Variants in RGS12 observed in about 807,000 individuals in gnomAD.
RGS12 encodes the protein regulator of G protein signaling 12.
Under a neutral mutation model 120.1 loss-of-function variants are expected in RGS12, and 66 were observed. The ratio of observed to expected loss-of-function variants is 0.55; its 90% CI spans 0.45 to 0.67. The LOEUF is 0.67. Among genes scored for constraint, RGS12 ranks in the 30% least tolerant of loss-of-function variants. The pLI is 0.00. For missense variants in RGS12, 1,859 were observed against 1,957.7 expected (o/e 0.95, Z 0.95); for synonymous variants, 827 against 804.7 (o/e 1.03, Z -0.47).
chr4:3,428,884 C>T (rs972139065), intron 16 of RGS12, among the ~76,000 whole-genome samples, 173 bp downstream of exon 16: 3 of 152,218 alleles, frequency 2.0e-5, no homozygotes, highest in Non-Finnish European at 2.9e-5. Flanking sequence ...ATCACTCCAC[C>T]GAAACCCCAG....
At chr4:3,402,576 A>G (rs900340334) in intron 4 of RGS12, among the ~76,000 whole-genome samples, 1 of 152,078 alleles carries the variant, frequency 6.6e-6, no homozygotes, top group African/African-American at 2.4e-5. Context: ...GTTTAGGACC[A>G]CTTTTGAGTC....
intron 4 of RGS12, among the ~76,000 whole-genome samples, chr4:3,410,884 T>C (rs1438052654): frequency 6.6e-6 from 1 of 152,216 alleles, no homozygotes. Context: ...GGTGCTCTGA[T>C]GTAGAAAAGG....
intron 4 of RGS12, among the ~76,000 whole-genome samples, chr4:3,392,895 G>A (rs1719652589): frequency 6.6e-6 from 1 of 152,184 alleles, no homozygotes; most frequent in Non-Finnish European, 1.5e-5. Flanking sequence ...GGCTGAGGCA[G>A]GAGAATCTCT....
intron 2 of RGS12, among the ~76,000 whole-genome samples, chr4:3,337,410 T>C (rs1712597853): frequency 6.6e-6 from 1 of 152,244 alleles, no homozygotes; most frequent in Non-Finnish European, 1.5e-5. Flanking sequence ...GGAGATGCTC[T>C]TTATACACAT....
At chr4:3,416,496 A>G (rs1489037117) in intron 7 of RGS12, among the ~76,000 whole-genome samples, 1 of 152,216 alleles carries the variant, frequency 6.6e-6, no homozygotes, top group East Asian at 1.9e-4. Context: ...GCCCCAGGCT[A>G]TTCGAGACGT....
intron 2 of RGS12, among the ~76,000 whole-genome samples, chr4:3,325,773 T>G (rs1048608589): frequency 6.6e-6 from 1 of 152,006 alleles, no homozygotes; most frequent in Non-Finnish European, 1.5e-5. Context: ...GAACATAGAT[T>G]ACAAATCCTC....
At chr4:3,362,937 G>A (rs578033371) in intron 3 of RGS12, among the ~76,000 whole-genome samples, 1 of 145,674 alleles carries the variant, frequency 6.9e-6, no homozygotes, top group South Asian at 2.3e-4. Context: ...GAACGCGAAG[G>A]GGTGTGTGTG....
At chr4:3,432,300 A>G (rs550287651) in intron 17 of RGS12, 1 of 527,744 alleles carries the variant, frequency 1.9e-6, no homozygotes, top group East Asian at 1.5e-4. Flanking sequence ...ACCGTAATCT[A>G]CTGGCTTTTA....
intron 17 of RGS12, among the ~76,000 whole-genome samples, chr4:3,435,006 G>C (rs1274852926): frequency 6.6e-6 from 1 of 152,112 alleles, no homozygotes; most frequent in Non-Finnish European, 1.5e-5. Flanking sequence ...GGAGATGCTA[G>C]GCACCACCCC....
intron 3 of RGS12, among the ~76,000 whole-genome samples, chr4:3,369,208 T>C (rs1716709871): frequency 6.6e-6 from 1 of 152,198 alleles, no homozygotes; most frequent in Non-Finnish European, 1.5e-5. Flanking sequence ...CCCCACACTT[T>C]TGTTACGTGC....
chr4:3,309,069 G>T (rs1394604209), intron 1 of RGS12, among the ~76,000 whole-genome samples: 1 of 126,354 alleles, frequency 7.9e-6, no homozygotes, highest in African/African-American at 3.1e-5. Flanking sequence ...CAGGAGAGGA[G>T]CTGGGACTCG....
chr4:3,290,152 C>T (rs539411862), upstream of RGS12, among the ~76,000 whole-genome samples: 77 of 152,174 alleles, frequency 5.1e-4, no homozygotes, highest in Non-Finnish European at 8.4e-4. Context: ...GATTTCATTT[C>T]CTTTGGATAC....
At chr4:3,436,719 G>A (rs897448322) in intron 17 of RGS12, among the ~76,000 whole-genome samples, 1 of 152,220 alleles carries the variant, frequency 6.6e-6, no homozygotes, top group Non-Finnish European at 1.5e-5. Context: ...GACATTCATG[G>A]ACAAGTGTCT....
chr4:3,370,353 A>ATCAG, intron 3 of RGS12: 1 of 1,607,938 alleles, frequency 6.2e-7, no homozygotes, highest in Non-Finnish European at 8.5e-7. Context: ...TTTTCATTTA[A>ATCAG]TCAGTGGTAG....
chr4:3,383,364 T>C (rs184278073), intron 3 of RGS12, among the ~76,000 whole-genome samples: 1 of 152,120 alleles, frequency 6.6e-6, no homozygotes, highest in Non-Finnish European at 1.5e-5. Context: ...CCTAGCACTT[T>C]GAGAGGTCAA....
intron 3 of RGS12, among the ~76,000 whole-genome samples, chr4:3,344,354 C>T (rs1249896547): frequency 6.6e-6 from 1 of 152,144 alleles, no homozygotes; most frequent in Non-Finnish European, 1.5e-5. Flanking sequence ...CTGATGAAGA[C>T]TCAAAAGGGG....
At position 3,437,082 on chromosome 4, in the gene RGS12, G is replaced by T. The variant is rs571443969; in HGVS notation, c.4115-2373G>T. ...TGCCAGGGAAATGCTGGGCAAGAAGGTGCTCCCCGGGCAGGCCCTGGCATG... is the reference window on the plus strand; with the variant it reads ...TGCCAGGGAAATGCTGGGCAAGAAGTTGCTCCCCGGGCAGGCCCTGGCATG... On this transcript the variant is annotated intron_variant, in intron 17 of 17. Coordinates refer to ENST00000336727, the MANE Select transcript of RGS12 (RefSeq NM_001394154.1). 2.6e-5 allele frequency among the ~76,000 whole-genome samples: 4 copies of T among 152,254 alleles called. No homozygotes were observed. The East Asian group carries it at 7.7e-4, about 29-fold the overall frequency.
chr4:3,380,341 G>A (rs544665288), intron 3 of RGS12, among the ~76,000 whole-genome samples: 9 of 152,350 alleles, frequency 5.9e-5, no homozygotes, highest in East Asian at 1.9e-4. Context: ...GGCATTGAGC[G>A]TCTGCAGCTT....
chr4:3,362,888 TG>T lies in RGS12; in HGVS notation c.1998+19836del, dbSNP rs1435459519. 3.4e-5 allele frequency among the ~76,000 whole-genome samples: 5 copies of T among 148,470 alleles called. No homozygotes were observed. The East Asian group carries it at 1.0e-3, about 30-fold the overall frequency. ...GCGAGGGTGTGTGTGTGTGAGAGCATGTGTGCATCAGTGTGAGTGTGCATGG... is the reference window on the plus strand; with the variant it reads ...GCGAGGGTGTGTGTGTGTGAGAGCATTGTGCATCAGTGTGAGTGTGCATGG... On this transcript the variant is annotated intron_variant, in intron 3 of 17. Coordinates refer to ENST00000336727, the MANE Select transcript of RGS12 (RefSeq NM_001394154.1).
Sources: gnomAD v4.1 joint callset for allele counts (sites outside exome capture counted in the v4.1 genomes callset) on GRCh38, gnomAD v4.1.1 for gene constraint, MANE v1.5 for transcripts, NCBI Gene and HGNC (gene_info 2026-07-23, HGNC 2026-07-21) for gene names.